Variants in KLHL3 observed in about 807,000 individuals in gnomAD.
KLHL3 encodes kelch-like protein 3.
A neutral mutation model predicts 70.5 loss-of-function variants in KLHL3; 19 were observed. The ratio of observed to expected loss-of-function variants is 0.27; its 90% CI spans 0.19 to 0.40. The LOEUF (loss-of-function observed/expected upper bound fraction) is 0.40, where lower values mean the gene tolerates loss of function less well. KLHL3 is among the 10% of genes least tolerant of loss of function. The pLI is 1.00. For synonymous variants in KLHL3, 258 were observed against 290.3 expected (o/e 0.89, Z 1.13); for missense variants, 512 against 771.1 (o/e 0.66, Z 3.98).
intron 4 of KLHL3, among the ~76,000 whole-genome samples, chr5:137,697,768 T>G (rs1024837965): frequency 6.6e-6 from 1 of 152,234 alleles, no homozygotes; most frequent in Non-Finnish European, 1.5e-5. Context: ...GTAAACACTT[T>G]GTATTTTACA....
chr5:137,688,581 A>G (rs1422829713), intron 5 of KLHL3, among the ~76,000 whole-genome samples: 1 of 152,218 alleles, frequency 6.6e-6, no homozygotes, highest in Non-Finnish European at 1.5e-5. Context: ...CTCTAGCCAC[A>G]TGCACTCCTC....
chr5:137,719,459 T>C (rs548217088), intron 2 of KLHL3, among the ~76,000 whole-genome samples: 141 of 152,316 alleles, frequency 9.3e-4, no homozygotes, highest in African/African-American at 3.1e-3. Context: ...CAGGATGAAG[T>C]AGGCAGTAAA....
At chr5:137,684,933 A>G (rs1052971600) in intron 5 of KLHL3, among the ~76,000 whole-genome samples, 1 of 152,186 alleles carries the variant, frequency 6.6e-6, no homozygotes, top group Non-Finnish European at 1.5e-5. Flanking sequence ...TGAGGGGGAA[A>G]CTGAATCCAG....
chr5:137,677,973 C>A (rs1751928113), intron 5 of KLHL3, among the ~76,000 whole-genome samples: 1 of 152,162 alleles, frequency 6.6e-6, no homozygotes, highest in Admixed American at 6.5e-5. Flanking sequence ...CTCACTGGGA[C>A]CTGCCTCCAT....
At chr5:137,709,310 A>G (rs1752744828) in intron 3 of KLHL3, among the ~76,000 whole-genome samples, 1 of 152,240 alleles carries the variant, frequency 6.6e-6, no homozygotes, top group Admixed American at 6.5e-5. Flanking sequence ...TAGGCCAGCT[A>G]GTAAAGCACT....
chr5:137,642,287 T>C (rs572014188), intron 8 of KLHL3, among the ~76,000 whole-genome samples: 2 of 152,348 alleles, frequency 1.3e-5, no homozygotes, highest in South Asian at 4.1e-4. Flanking sequence ...TCCCACATGC[T>C]GTTCCCTGAC....
At chr5:137,731,719 A>T (rs1237890055) in intron 1 of KLHL3, among the ~76,000 whole-genome samples, 1 of 152,176 alleles carries the variant, frequency 6.6e-6, no homozygotes, top group African/African-American at 2.4e-5. Flanking sequence ...TGTGCTTCTG[A>T]TGAAGAAAAT....
At chr5:137,689,487 G>T (rs1028459553) in intron 5 of KLHL3, among the ~76,000 whole-genome samples, 1 of 152,178 alleles carries the variant, frequency 6.6e-6, no homozygotes, top group African/African-American at 2.4e-5. Context: ...GGAATACTAC[G>T]CAGCCATAAA....
chr5:137,669,458 T>G (rs1041806511), intron 6 of KLHL3, among the ~76,000 whole-genome samples: 1 of 149,894 alleles, frequency 6.7e-6, no homozygotes, highest in Non-Finnish European at 1.5e-5. Flanking sequence ...CTGCCAGATA[T>G]CTGACTTCAG....
chr5:137,716,994 G>A (rs781268104), intron 2 of KLHL3, among the ~76,000 whole-genome samples: 4 of 152,180 alleles, frequency 2.6e-5, no homozygotes, highest in South Asian at 2.1e-4. Context: ...CAGTCCCTGC[G>A]GGGCTTAGAA....
At chr5:137,700,435 G>T (rs1378529702) in intron 3 of KLHL3, among the ~76,000 whole-genome samples, 1 of 152,226 alleles carries the variant, frequency 6.6e-6, no homozygotes, top group African/African-American at 2.4e-5. Context: ...TCAGAGCCTG[G>T]GCTGACTGTT....
intron 5 of KLHL3, among the ~76,000 whole-genome samples, chr5:137,678,847 C>T (rs950617925): frequency 1.3e-5 from 2 of 152,110 alleles, no homozygotes; most frequent in African/African-American, 4.8e-5. Flanking sequence ...ACTTGCTCTA[C>T]ACCAGCCTAT....
At chr5:137,722,040 T>C (rs1753006631) in intron 1 of KLHL3, among the ~76,000 whole-genome samples, 2 of 152,202 alleles carry the variant, frequency 1.3e-5, no homozygotes, top group South Asian at 4.1e-4. Context: ...CCTTCTCCAC[T>C]TGTATAGATT....
At chr5:137,640,678 A>G (rs1272092672) in intron 8 of KLHL3, among the ~76,000 whole-genome samples, 3 of 152,174 alleles carry the variant, frequency 2.0e-5, no homozygotes, top group Non-Finnish European at 4.4e-5. Flanking sequence ...CACACAGCTA[A>G]GAGTGTAGGC....
intron 8 of KLHL3, among the ~76,000 whole-genome samples, chr5:137,650,417 C>G (rs753159376): frequency 6.6e-6 from 1 of 152,190 alleles, no homozygotes; most frequent in Non-Finnish European, 1.5e-5. Context: ...GTCTGGGAGT[C>G]CCCTGGGGAA....
chr5:137,716,008 T>C (rs542351269), intron 2 of KLHL3, among the ~76,000 whole-genome samples: 39 of 152,322 alleles, frequency 2.6e-4, no homozygotes, highest in African/African-American at 9.1e-4. Flanking sequence ...TCTATGTTTG[T>C]AATCACTATG....
intron 3 of KLHL3, among the ~76,000 whole-genome samples, chr5:137,706,805 T>C (rs1752694855): frequency 6.6e-6 from 1 of 152,200 alleles, no homozygotes; most frequent in South Asian, 2.1e-4. Context: ...TTTTTATTGA[T>C]CACCTGCTAT....
chr5:137,637,463 A>C, intron 10 of KLHL3, 68 bp from the exon 11 acceptor site: 1 of 1,357,054 alleles, frequency 7.4e-7, no homozygotes, highest in South Asian at 1.2e-5. Flanking sequence ...AGAAGCAGTG[A>C]GGATGGGGGA....
chr5:137,669,286 A>G (rs1751690810), intron 6 of KLHL3, among the ~76,000 whole-genome samples: 2 of 152,132 alleles, frequency 1.3e-5, no homozygotes, highest in Admixed American at 6.5e-5. Context: ...CTATGTGAAT[A>G]TAAGTTCTGC....
Sources: allele counts gnomAD v4.1 joint callset (sites outside exome capture counted in the v4.1 genomes callset), GRCh38; gene constraint gnomAD v4.1.1; transcripts MANE v1.5; gene names NCBI Gene and HGNC (gene_info 2026-07-23, HGNC 2026-07-21).